MAP2K5: variants seen among roughly 807,000 people sequenced by gnomAD.
MAP2K5 encodes the protein dual specificity mitogen-activated protein kinase kinase 5.
Under a neutral mutation model 83.1 loss-of-function variants are expected in MAP2K5, and 49 were observed. The observed-to-expected ratio is 0.59, with a 90% CI of 0.47 to 0.75. MAP2K5 has a LOEUF of 0.75. Ranked by LOEUF, MAP2K5 falls within the 30% of genes least tolerant of loss-of-function variation. The pLI is 0.00. For missense variants in MAP2K5, 457 were observed against 557.5 expected (o/e 0.82, Z 1.82); for synonymous variants, 202 against 191.8 (o/e 1.05, Z -0.44).
intron 15 of MAP2K5, among the ~76,000 whole-genome samples, chr15:67,695,276 A>G (rs1016650717): frequency 3.3e-5 from 5 of 152,172 alleles, no homozygotes; most frequent in African/African-American, 1.2e-4. Flanking sequence ...AAATTTAAAA[A>G]AAAAAGATTT....
rs1016019555 is a variant in MAP2K5, at chr15:67,782,768, A to C, written c.1242+10016A>C. ...TAACTCTGGGGAAGGCAGATCGGCA[A>C]CCCTGGAATGCTGGTTTATGCAGGG... On this transcript the variant is annotated intron_variant, in intron 21 of 21. Transcript: ENST00000178640. This position sits in a 1 kb window ranked among gnomAD's most constrained non-coding sequence, Gnocchi z 4.9. 5.3e-5 allele frequency among the ~76,000 whole-genome samples: 8 copies of C among 152,180 alleles called. No individual in the cohort carries two copies. Among genetic ancestry groups the C allele is most frequent in the Non-Finnish European group, 1.0e-4 (7 of 68,030 alleles).
rs545717340 is a variant in MAP2K5 at position 67,791,061 on chromosome 15, C to G, written c.1243-15585C>G. 2.6e-5 allele frequency among the ~76,000 whole-genome samples: 4 copies of G among 152,332 alleles called. No individual in the cohort carries two copies. In the South Asian group the frequency reaches 8.3e-4, roughly 32 times the overall value. The stretch of plus-strand genomic sequence containing the variant: ...AGCTCCTCACGCCATGAATAGTCCA[C>G]CTGTGAGACATCCGAGCTGCAGCTG... On this transcript the variant is annotated intron_variant, in intron 21 of 21. Coordinates refer to ENST00000178640, the MANE Select transcript of MAP2K5 (RefSeq NM_145160.3).
At chr15:67,800,552 G>A (rs1027980079) in intron 21 of MAP2K5, among the ~76,000 whole-genome samples, 3 of 152,158 alleles carry the variant, frequency 2.0e-5, no homozygotes, top group African/African-American at 7.2e-5. Flanking sequence ...CTTAACAAAG[G>A]AATAGCAGAA....
intron 3 of MAP2K5, among the ~76,000 whole-genome samples, chr15:67,564,406 T>G (rs1266008237): frequency 6.6e-6 from 1 of 152,218 alleles, no homozygotes; most frequent in Admixed American, 6.5e-5. Flanking sequence ...CTAATCTTAG[T>G]CAACAGTTAG....
At chr15:67,616,121 G>A (rs1046868576) in intron 8 of MAP2K5, among the ~76,000 whole-genome samples, 1 of 152,136 alleles carries the variant, frequency 6.6e-6, no homozygotes, top group Non-Finnish European at 1.5e-5. Flanking sequence ...GGAAAGACTT[G>A]TATCTTGTTA....
intron 15 of MAP2K5, among the ~76,000 whole-genome samples, chr15:67,697,462 C>T (rs1194677446): frequency 6.6e-6 from 1 of 152,146 alleles, no homozygotes; most frequent in Non-Finnish European, 1.5e-5. Context: ...AGTGATCTGC[C>T]TTCAGAGACT....
At chr15:67,752,450 C>A (rs111383052) in intron 19 of MAP2K5, among the ~76,000 whole-genome samples, 2 of 151,074 alleles carry the variant, frequency 1.3e-5, no homozygotes, top group East Asian at 2.0e-4. Flanking sequence ...GAGGCCAAAG[C>A]GGGTGGATCA....
At chr15:67,578,270 C>T (rs1213159332) in intron 3 of MAP2K5, among the ~76,000 whole-genome samples, 1 of 152,170 alleles carries the variant, frequency 6.6e-6, no homozygotes, top group African/African-American at 2.4e-5. Context: ...CAGGACTGCT[C>T]TGTGCTAAGA....
intron 16 of MAP2K5, among the ~76,000 whole-genome samples, chr15:67,716,540 C>T (rs80070606): frequency 1.5e-3 from 224 of 152,256 alleles, no homozygotes; most frequent in African/African-American, 5.0e-3. Flanking sequence ...AAAACCACTG[C>T]TCCTAGAAAA....
intron 2 of MAP2K5, among the ~76,000 whole-genome samples, chr15:67,556,094 G>C (rs1241996139): frequency 6.6e-6 from 1 of 152,042 alleles, no homozygotes; most frequent in Middle Eastern, 3.2e-3. Context: ...CCAGCTATTT[G>C]TATTTCATTT....
At chr15:67,616,467 T>C (rs892487017) in intron 8 of MAP2K5, among the ~76,000 whole-genome samples, 1 of 152,144 alleles carries the variant, frequency 6.6e-6, no homozygotes, top group African/African-American at 2.4e-5. Context: ...ACCTCTGCCA[T>C]GTCTCTGATG....
intron 20 of MAP2K5, among the ~76,000 whole-genome samples, chr15:67,771,161 G>GCCTCATT (rs2090134098): frequency 6.9e-4 from 2 of 2,912 alleles, no homozygotes; most frequent in East Asian, 0.011. Flanking sequence ...ACATGGTAAT[G>GCCTCATT]TGTACCATGT....
intron 12 of MAP2K5, among the ~76,000 whole-genome samples, chr15:67,663,714 A>C (rs1196915508): frequency 1.3e-5 from 2 of 152,094 alleles, no homozygotes; most frequent in Non-Finnish European, 2.9e-5. Context: ...CTCTACAAAA[A>C]ATATTTTAAA....
chr15:67,629,071 G>A, intron 8 of MAP2K5: 2 of 740,074 alleles, frequency 2.7e-6, no homozygotes. Flanking sequence ...GCCAAACCAT[G>A]AAACCAAGGT....
intron 1 of MAP2K5, among the ~76,000 whole-genome samples, chr15:67,549,519 G>A (rs1445042892): frequency 1.3e-5 from 2 of 152,210 alleles, no homozygotes; most frequent in East Asian, 1.9e-4. Flanking sequence ...AACTACATTT[G>A]TTGAATGTCT....
chr15:67,710,623 C>T lies in MAP2K5; in HGVS notation c.1044+7215C>T, dbSNP rs1198279828. 2.0e-5 allele frequency among the ~76,000 whole-genome samples: 3 copies of T among 151,354 alleles called. No homozygotes were observed. The East Asian group carries it at 5.9e-4, about 30-fold the overall frequency. ...GGTTCAAGCAATTCTCCTGTCTTAG[C>T]CTCCTGAGTAGCTGGGATCACAGGC... On this transcript the variant is annotated intron_variant, in intron 16 of 21. Transcript: ENST00000178640.
chr15:67,601,717 A>G (rs1027834360), intron 8 of MAP2K5, among the ~76,000 whole-genome samples: 20 of 152,226 alleles, frequency 1.3e-4, no homozygotes, highest in African/African-American at 4.6e-4. Context: ...AAATTGCCCT[A>G]TTCTATGACC....
intron 17 of MAP2K5, among the ~76,000 whole-genome samples, chr15:67,735,413 G>A (rs1186368347): frequency 6.6e-6 from 1 of 152,330 alleles, no homozygotes; most frequent in African/African-American, 2.4e-5. Flanking sequence ...GTTTGATTCT[G>A]TAGTACCTTC....
intron 7 of MAP2K5, among the ~76,000 whole-genome samples, chr15:67,598,242 C>G (rs549913361): frequency 6.6e-6 from 1 of 152,036 alleles, no homozygotes; most frequent in East Asian, 1.9e-4. Flanking sequence ...AAAAAACTGT[C>G]AATCAGTTCA....
Sources: allele counts gnomAD v4.1 joint callset (sites outside exome capture counted in the v4.1 genomes callset), GRCh38; gene constraint gnomAD v4.1.1; non-coding constraint Gnocchi (gnomAD v3.1); transcripts MANE v1.5; gene names NCBI Gene and HGNC (gene_info 2026-07-23, HGNC 2026-07-21).